Variants in NAPB observed in about 807,000 individuals in gnomAD.
NAPB encodes NSF attachment protein beta.
NAPB carries 26 observed loss-of-function variants against 44.7 expected under a neutral mutation model. That is an observed-to-expected ratio of 0.58 (90% CI 0.43 to 0.81). The LOEUF (loss-of-function observed/expected upper bound fraction) is 0.81. Among genes scored for constraint, NAPB ranks in the 30% least tolerant of loss-of-function variants. NAPB has a pLI of 0.00. For synonymous variants in NAPB, 120 were observed against 116.8 expected (o/e 1.03, Z -0.18); for missense variants, 315 against 356.4 (o/e 0.88, Z 0.94).
intron 5 of NAPB, among the ~76,000 whole-genome samples, chr20:23,391,514 T>C (rs1298142820): frequency 1.3e-5 from 2 of 152,176 alleles, no homozygotes; most frequent in Non-Finnish European, 2.9e-5. Context: ...AAACCTTCTA[T>C]ACCCCAAATA....
intron 1 of NAPB, among the ~76,000 whole-genome samples, chr20:23,411,824 TAA>T (rs942674031): frequency 3.3e-5 from 5 of 151,660 alleles, no homozygotes; most frequent in African/African-American, 1.2e-4. Flanking sequence ...CCTTCCTAAA[TAA>T]AAAAAGAGAC....
Position 23,376,892 on chromosome 20 carries a change from G to C in NAPB, c.*484C>G, listed in dbSNP as rs1048518063. The C allele has an allele frequency of 6.6e-6, 1 of 152,228 alleles. No individual in the cohort carries two copies. The highest frequency in any genetic ancestry group is 3.4e-3 in the Middle Eastern group (1 of 294). The allele number at this position is 152,228 out of a possible 1,614,324, so 9.4% of individuals were successfully genotyped here. ...ACTAGCACCATCAAAATAATCACAG[G>C]ATAACAAAAATAGAAATGATTTCTA... On this transcript the variant is annotated 3_prime_UTR_variant, in exon 11 of 11. Coordinates refer to ENST00000377026, the MANE Select transcript of NAPB (RefSeq NM_022080.3).
At chr20:23,393,279 G>A (rs1407264222) in intron 5 of NAPB, among the ~76,000 whole-genome samples, 1 of 152,044 alleles carries the variant, frequency 6.6e-6, no homozygotes, top group Non-Finnish European at 1.5e-5. Context: ...CAAGATCAGG[G>A]AGTATCCTCA....
chr20:23,394,761 C>T (rs947215241), intron 5 of NAPB, among the ~76,000 whole-genome samples, 161 bp downstream of exon 5: 1 of 152,134 alleles, frequency 6.6e-6, no homozygotes, highest in South Asian at 2.1e-4. Context: ...GGAAAACAGC[C>T]CATCTACTTA....
chr20:23,379,753 C>G, intron 9 of NAPB, 114 bp downstream of exon 9: 1 of 771,742 alleles, frequency 1.3e-6, no homozygotes, highest in Non-Finnish European at 2.1e-6. Flanking sequence ...AGTACCAGGG[C>G]CCCTCAGTTA....
At chr20:23,382,309 G>C (rs1983074199) in intron 7 of NAPB, among the ~76,000 whole-genome samples, 1 of 143,854 alleles carries the variant, frequency 7.0e-6, no homozygotes, top group Non-Finnish European at 1.5e-5. Flanking sequence ...TCCCCAGCCA[G>C]AGGAATGTCA....
rs750960147 is a variant in NAPB, at chr20:23,421,274, C to A, written c.98+31G>T. On this transcript the variant is annotated intron_variant, in intron 1 of 10. Transcript: ENST00000377026. ...AGGGGGCCAAGTACGGAGACCCCCC[C>A]CCCCCAGGGCACGCACGGTCTGGCG... 31 of 1,514,586 alleles carry A rather than the reference C, an allele frequency of 2.0e-5. No individual in the cohort carries two copies. The African/African-American group carries it at 4.1e-4, about 20-fold the overall frequency. 93.8% of individuals were successfully genotyped at this position (1,514,586 alleles called of 1,614,324 possible).
At chr20:23,392,385 G>A (rs1984027964) in intron 5 of NAPB, among the ~76,000 whole-genome samples, 1 of 152,162 alleles carries the variant, frequency 6.6e-6, no homozygotes, top group Admixed American at 6.5e-5. Flanking sequence ...ATTCCGTGAA[G>A]GTCAGGCATG....
chr20:23,389,286 T>A (rs1173744208), intron 7 of NAPB, among the ~76,000 whole-genome samples: 1 of 145,630 alleles, frequency 6.9e-6, no homozygotes, highest in African/African-American at 2.6e-5. Context: ...GTGGAGAAAC[T>A]GGAACACTGT....
chr20:23,409,198 G>T (rs1985474189), intron 1 of NAPB, among the ~76,000 whole-genome samples: 2 of 152,208 alleles, frequency 1.3e-5, no homozygotes, highest in African/African-American at 4.8e-5. Flanking sequence ...GGGGAGCGCT[G>T]TCTCAGTGGC....
chr20:23,395,156 C>T lies in NAPB; in HGVS notation c.325G>A (p.Asp109Asn). The T allele has an allele frequency of 6.2e-7, 1 of 1,614,172 alleles. No homozygotes were observed. The highest frequency in any genetic ancestry group is 1.1e-5 in the South Asian group (1 of 91,078). Residue 109 changes from aspartate to asparagine, a missense_variant, in exon 4 of 11, where the codon GAC (aspartate) becomes AAC (asparagine). By Grantham distance (23) the Asp-to-Asn change is conservative. Transcript: ENST00000377026. ...EAINCLNAAIDIYTDMGRFTI... is the reference protein window; with the variant it reads ...EAINCLNAAINIYTDMGRFTI... ...TGTCTTACCATGTCTGTGTAAATGT[C>T]GATGGCTGCATTTAAGCAGTTGATA...
intron 4 of NAPB, 68 bp from the exon 5 acceptor site, chr20:23,395,067 A>C: frequency 6.2e-7 from 1 of 1,612,698 alleles, no homozygotes; most frequent in Non-Finnish European, 8.5e-7. Context: ...TGGGAACATA[A>C]AAAAGAAAGA....
At chr20:23,402,400 A>G (rs915426665) in intron 2 of NAPB, among the ~76,000 whole-genome samples, 1 of 152,240 alleles carries the variant, frequency 6.6e-6, no homozygotes, top group Non-Finnish European at 1.5e-5. Context: ...AATGAAAATA[A>G]TAATCCTGTG....
At chr20:23,420,031 G>T (rs1986273367) in intron 1 of NAPB, among the ~76,000 whole-genome samples, 1 of 152,176 alleles carries the variant, frequency 6.6e-6, no homozygotes, top group African/African-American at 2.4e-5. Context: ...ATCGTGTCTA[G>T]TCATGCAATG....
intron 5 of NAPB, among the ~76,000 whole-genome samples, chr20:23,394,593 A>G (rs568156414): frequency 1.3e-5 from 2 of 152,224 alleles, no homozygotes; most frequent in East Asian, 3.9e-4. Flanking sequence ...TACAGAGGTG[A>G]CCTCTTACAC....
intron 1 of NAPB, among the ~76,000 whole-genome samples, chr20:23,417,119 G>T (rs572851428): frequency 9.1e-5 from 13 of 142,862 alleles, no homozygotes; most frequent in Non-Finnish European, 1.6e-4. Context: ...AGTCTCGCTC[G>T]GGGGCCCAGG....
chr20:23,405,258 G>A (rs1985152571), intron 1 of NAPB, among the ~76,000 whole-genome samples: 1 of 150,782 alleles, frequency 6.6e-6, no homozygotes, highest in African/African-American at 2.4e-5. Flanking sequence ...ACCAGTCTAG[G>A]TGACAGAGCG....
In NAPB at chr20:23,376,902, A is replaced by G. The variant is rs1568599769; in HGVS notation, c.*474T>C. On this transcript the variant is annotated 3_prime_UTR_variant, in exon 11 of 11. Transcript: ENST00000377026. ...TCAAAATAATCACAGGATAACAAAAATAGAAATGATTTCTAATGAAGTTAT... is the reference window on the plus strand; with the variant it reads ...TCAAAATAATCACAGGATAACAAAAGTAGAAATGATTTCTAATGAAGTTAT... The G allele has an allele frequency of 6.6e-6, 1 of 152,248 alleles. No homozygotes were observed. Among genetic ancestry groups the G allele is most frequent in the Non-Finnish European group, 1.5e-5 (1 of 68,052 alleles). The allele number at this position is 152,248 out of a possible 1,614,324, so 9.4% of individuals were successfully genotyped here. A position where few individuals can be genotyped will look rare whatever the true frequency, so the allele number is the denominator to read the frequency against.
chr20:23,417,849 A>C (rs2123274605), intron 1 of NAPB, among the ~76,000 whole-genome samples: 1 of 152,236 alleles, frequency 6.6e-6, no homozygotes, highest in South Asian at 2.1e-4. Context: ...CCTATCAAGC[A>C]GATAAGGCAG....
Sources: allele counts gnomAD v4.1 joint callset (sites outside exome capture counted in the v4.1 genomes callset), GRCh38; gene constraint gnomAD v4.1.1; transcripts MANE v1.5; gene names NCBI Gene and HGNC (gene_info 2026-07-23, HGNC 2026-07-21).